Variants in STK3 observed in about 807,000 individuals in gnomAD.
The protein encoded by STK3 is serine/threonine-protein kinase 3.
STK3 carries 41 observed loss-of-function variants against 58.0 expected under a neutral mutation model. The ratio of observed to expected loss-of-function variants is 0.71; its 90% CI spans 0.55 to 0.92. The LOEUF (loss-of-function observed/expected upper bound fraction) is 0.92, where lower values mean the gene tolerates loss of function less well. STK3 is among the 40% of genes least tolerant of loss of function. The pLI, the probability that STK3 is intolerant of heterozygous loss-of-function variation, is 0.00. For synonymous variants in STK3, 170 were observed against 191.0 expected (o/e 0.89, Z 0.91); for missense variants, 479 against 602.7 (o/e 0.79, Z 2.15).
At chr8:98,580,513 T>A (rs1022705849) in intron 7 of STK3, among the ~76,000 whole-genome samples, 2 of 152,228 alleles carry the variant, frequency 1.3e-5, no homozygotes, top group Admixed American at 6.5e-5. Flanking sequence ...TTTGGATAGA[T>A]AACCTAAATT....
At chr8:98,659,072 G>A (rs1821767913) in intron 6 of STK3, among the ~76,000 whole-genome samples, 1 of 151,962 alleles carries the variant, frequency 6.6e-6, no homozygotes, top group African/African-American at 2.4e-5. Flanking sequence ...TATACCCTAG[G>A]TGTACAGACA....
chr8:98,761,108 C>A (rs906538081), intron 3 of STK3, among the ~76,000 whole-genome samples: 3 of 150,326 alleles, frequency 2.0e-5, no homozygotes, highest in Non-Finnish European at 4.4e-5. Flanking sequence ...GAAAATACTG[C>A]TTGAAAGGTG....
intron 3 of STK3, among the ~76,000 whole-genome samples, chr8:98,766,312 T>C (rs1364274170): frequency 6.6e-6 from 1 of 152,238 alleles, no homozygotes; most frequent in Non-Finnish European, 1.5e-5. Context: ...CCGGGTCAAC[T>C]GGGGATGCTC....
At chr8:98,450,954 TG>T (rs1186551720), downstream of STK3, among the ~76,000 whole-genome samples, 3 of 152,134 alleles carry the variant, frequency 2.0e-5, no homozygotes, top group African/African-American at 7.2e-5. Flanking sequence ...CAGATGGGAG[TG>T]TAAGGCCACT....
chr8:98,423,404 G>A (rs939397749), intron 3 of STK3, among the ~76,000 whole-genome samples: 1 of 152,228 alleles, frequency 6.6e-6, no homozygotes, highest in Non-Finnish European at 1.5e-5. Context: ...GCGGGCATGC[G>A]GCTGGAGCAC....
chr8:98,408,672 T>C (rs1818023704), intron 3 of STK3, among the ~76,000 whole-genome samples: 1 of 152,198 alleles, frequency 6.6e-6, no homozygotes, highest in South Asian at 2.1e-4. Flanking sequence ...ACATCCTCCT[T>C]AAAATGTTAG....
At chr8:98,629,254 C>T (rs901074369) in intron 6 of STK3, among the ~76,000 whole-genome samples, 1 of 152,138 alleles carries the variant, frequency 6.6e-6, no homozygotes, top group Non-Finnish European at 1.5e-5. Flanking sequence ...AATAAGGAAG[C>T]TTGACAGTCA....
intron 3 of STK3, among the ~76,000 whole-genome samples, chr8:98,876,199 T>C (rs922793635): frequency 7.2e-5 from 11 of 152,122 alleles, no homozygotes; most frequent in African/African-American, 2.7e-4. Context: ...CTCTACTTCT[T>C]GGATAATCTA....
intron 10 of STK3, among the ~76,000 whole-genome samples, chr8:98,507,646 C>A (rs1409386425): frequency 6.6e-6 from 1 of 152,168 alleles, no homozygotes; most frequent in Non-Finnish European, 1.5e-5. Context: ...TCTGGTGCAC[C>A]CTACCACTTC....
At chr8:98,533,895 T>G (rs1809545736) in intron 9 of STK3, among the ~76,000 whole-genome samples, 2 of 152,194 alleles carry the variant, frequency 1.3e-5, no homozygotes. Flanking sequence ...CAGATAACTC[T>G]ATTAATTTGT....
At chr8:98,707,464 G>A (rs1437884213) in intron 4 of STK3, among the ~76,000 whole-genome samples, 153 bp from the exon 5 acceptor site, 2 of 152,104 alleles carry the variant, frequency 1.3e-5, no homozygotes, top group African/African-American at 2.4e-5. Flanking sequence ...GTGCAGTGGT[G>A]TGATGATAGC....
chr8:98,503,861 A>T (rs925530730), intron 10 of STK3, among the ~76,000 whole-genome samples: 5 of 152,228 alleles, frequency 3.3e-5, no homozygotes, highest in African/African-American at 1.2e-4. Flanking sequence ...TGTGGTGCTG[A>T]GAAGAATGTA....
intron 4 of STK3, among the ~76,000 whole-genome samples, chr8:98,709,937 A>T (rs886284491): frequency 1.9e-4 from 28 of 150,732 alleles, no homozygotes; most frequent in Admixed American, 1.2e-3. Flanking sequence ...TTTTTTTTTT[A>T]AAGTAATGGC....
At position 98,825,602 on chromosome 8, in the gene STK3, CGG is replaced by C; in HGVS notation, c.-64_-63del. 1 of 1,373,922 alleles carries C rather than the reference CGG, an allele frequency of 7.3e-7. No homozygotes were observed. Among genetic ancestry groups the C allele is most frequent in the Non-Finnish European group, 9.5e-7 (1 of 1,056,760 alleles). The allele number at this position is 1,373,922 out of a possible 1,614,324, so 85.1% of individuals were successfully genotyped here. On this transcript the variant is annotated 5_prime_UTR_variant, in exon 1 of 11. Coordinates refer to ENST00000419617, the MANE Select transcript of STK3 (RefSeq NM_006281.4). ...CGAAGGCCGAAAGGAGGAAAGGAGC[CGG>C]GGCACCGGCCGGCCGAGCCTAGGGC...
rs1328210958 is a variant in STK3, at chr8:98,478,517, C to A, written c.1318-22517G>T. ...CTGGAGTTCTCACTGAGGAAGCTGG[C>A]AGAACCTAGAAAAATCCTTATTACT... On this transcript the variant is annotated intron_variant, in intron 10 of 10. Coordinates refer to ENST00000419617, the MANE Select transcript of STK3 (RefSeq NM_006281.4). Among the ~76,000 whole-genome samples, 3 of 152,178 alleles carry A rather than the reference C, an allele frequency of 2.0e-5. No individual in the cohort carries two copies. The East Asian group carries it at 5.8e-4, about 29-fold the overall frequency.
intron 4 of STK3, among the ~76,000 whole-genome samples, chr8:98,742,971 C>G (rs1829340521): frequency 6.6e-6 from 1 of 151,744 alleles, no homozygotes; most frequent in Non-Finnish European, 1.5e-5. Flanking sequence ...GAGTGAATTC[C>G]CATTCACAAT....
At chr8:98,600,333 T>C (rs1231502412) in intron 6 of STK3, among the ~76,000 whole-genome samples, 1 of 152,212 alleles carries the variant, frequency 6.6e-6, no homozygotes, top group Non-Finnish European at 1.5e-5. Context: ...ACTCTATGCC[T>C]CTGTTCCCAT....
intron 2 of STK3, among the ~76,000 whole-genome samples, chr8:98,372,855 C>A (rs1817625676): frequency 6.6e-6 from 1 of 152,184 alleles, no homozygotes; most frequent in South Asian, 2.1e-4. Context: ...GGTCTCTAAG[C>A]CTGGTGTCCT....
intron 3 of STK3, among the ~76,000 whole-genome samples, chr8:98,761,901 G>C (rs2131414009): frequency 6.6e-6 from 1 of 152,266 alleles, no homozygotes; most frequent in East Asian, 1.9e-4. Flanking sequence ...TGAGGAAATA[G>C]AACAGGTAAG....
Sources: gnomAD v4.1 joint callset for allele counts (sites outside exome capture counted in the v4.1 genomes callset) on GRCh38, gnomAD v4.1.1 for gene constraint, MANE v1.5 for transcripts, NCBI Gene and HGNC (gene_info 2026-07-23, HGNC 2026-07-21) for gene names.